LGR5: variants seen among roughly 807,000 people sequenced by gnomAD.
LGR5 encodes leucine rich repeat containing G protein-coupled receptor 5.
A neutral mutation model predicts 76.7 loss-of-function variants in LGR5; 54 were observed. The ratio of observed to expected loss-of-function variants is 0.70; its 90% confidence interval spans 0.57 to 0.88. The LOEUF (loss-of-function observed/expected upper bound fraction) is 0.88, where lower values mean the gene tolerates loss of function less well. Ranked by LOEUF, LGR5 falls within the 40% of genes least tolerant of loss-of-function variation. The pLI is 0.00. For missense variants in LGR5, 1,078 were observed against 1,073.3 expected (o/e 1.00, Z -0.06); for synonymous variants, 406 against 421.9 (o/e 0.96, Z 0.46).
At chr12:71,448,113 A>ACAC (rs1300176522) in intron 1 of LGR5, among the ~76,000 whole-genome samples, 1 of 151,216 alleles carries the variant, frequency 6.6e-6, no homozygotes, top group African/African-American at 2.4e-5. Flanking sequence ...ACACACACAC[A>ACAC]AACTGTGGTG....
At chr12:71,559,380 T>C (rs1877943606) in intron 6 of LGR5, among the ~76,000 whole-genome samples, 1 of 152,178 alleles carries the variant, frequency 6.6e-6, no homozygotes, top group Non-Finnish European at 1.5e-5. Context: ...AAATTTCTCA[T>C]GATTAGTCAA....
chr12:71,446,046 A>T (rs933082310), intron 1 of LGR5, among the ~76,000 whole-genome samples: 4 of 152,106 alleles, frequency 2.6e-5, no homozygotes, highest in Non-Finnish European at 2.9e-5. Context: ...CCTCCAGGGT[A>T]GGGCATTTTC....
intron 14 of LGR5, among the ~76,000 whole-genome samples, chr12:71,578,522 T>C (rs1277457404): frequency 1.3e-5 from 2 of 152,204 alleles, no homozygotes; most frequent in Non-Finnish European, 2.9e-5. Context: ...AAATTAAATA[T>C]AGCACCTTCC....
chr12:71,555,335 T>C (rs1422750387), intron 5 of LGR5, among the ~76,000 whole-genome samples: 1 of 152,148 alleles, frequency 6.6e-6, no homozygotes, highest in Non-Finnish European at 1.5e-5. Flanking sequence ...CCAGCTGTAC[T>C]TTTTCACCCT....
Position 71,584,698 on chromosome 12 carries a change from C to A in LGR5, c.2688C>A (p.Cys896Ter). The A allele has an allele frequency of 6.2e-7, 1 of 1,612,948 alleles. No homozygotes were observed. The change falls in exon 18 of 18, where the codon TGC becomes TGA. Residue 896 changes from cysteine to a stop codon, truncating the protein, a stop_gained. Transcript: ENST00000266674. LOFTEE classifies it high-confidence loss of function. ...PSPAYPVTESCHLSSVAFVPC... is the reference protein window; with the variant it reads ...PSPAYPVTES ...CAGCTTATCCAGTGACTGAGAGCTG[C>A]CATCTTTCCTCTGTGGCATTTGTCC...
chr12:71,570,933 C>G lies in LGR5; in HGVS notation c.1071-581C>G, dbSNP rs7964280. Among the ~76,000 whole-genome samples the G allele has an allele frequency of 3.3e-5, 5 of 152,126 alleles. No individual in the cohort carries two copies. In the South Asian group the frequency reaches 1.0e-3, roughly 31 times the overall value. ...CCAACTTTCTTTTCTTTCAAGCTTT[C>G]GCAAATTATGATGGCTTGCTTTAGA... On this transcript the variant is annotated intron_variant, in intron 11 of 17. Transcript: ENST00000266674.
At chr12:71,501,415 T>C (rs1226720753) in intron 1 of LGR5, among the ~76,000 whole-genome samples, 10 of 152,170 alleles carry the variant, frequency 6.6e-5, no homozygotes, top group Non-Finnish European at 1.5e-4. Context: ...CTGAGCCTCA[T>C]TTTCCTCACC....
At chr12:71,445,929 C>A (rs543035708) in intron 1 of LGR5, among the ~76,000 whole-genome samples, 1 of 152,302 alleles carries the variant, frequency 6.6e-6, no homozygotes, top group Non-Finnish European at 1.5e-5. Context: ...AAGGAACCAA[C>A]TCCTGACCGT....
At chr12:71,469,974 T>C (rs1873026187) in intron 1 of LGR5, among the ~76,000 whole-genome samples, 1 of 152,078 alleles carries the variant, frequency 6.6e-6, no homozygotes, top group Non-Finnish European at 1.5e-5. Context: ...TGTCCTCCCT[T>C]CTCACCTGGA....
In LGR5 at chr12:71,584,221, C is replaced by G; in HGVS notation, c.2211C>G (p.Phe737Leu). Reference sequence around the variant, plus strand: ...TCATCTTGCTCAATTCCCTTTGCTTCCTCATGATGACCATTGCCTACACCA... The same window carrying G: ...TCATCTTGCTCAATTCCCTTTGCTTGCTCATGATGACCATTGCCTACACCA... ...VALILLNSLCFLMMTIAYTKL... is the reference protein window; with the variant it reads ...VALILLNSLCLLMMTIAYTKL... Residue 737 changes from phenylalanine to leucine, a missense_variant, in exon 18 of 18, where the codon TTC (phenylalanine) becomes TTG (leucine). Phe to Leu is a conservative substitution (Grantham distance 22). Coordinates refer to ENST00000266674, the MANE Select transcript of LGR5 (RefSeq NM_003667.4). 6.2e-7 allele frequency: 1 copy of G among 1,614,134 alleles called. No homozygotes were observed. Among genetic ancestry groups the G allele is most frequent in the Non-Finnish European group, 8.5e-7 (1 of 1,180,004 alleles).
intron 11 of LGR5, among the ~76,000 whole-genome samples, chr12:71,570,317 A>C (rs1191994788): frequency 2.0e-5 from 3 of 152,168 alleles, no homozygotes; most frequent in Admixed American, 2.0e-4. Flanking sequence ...ATTTTAAAAA[A>C]ATAAAATAAT....
chr12:71,570,573 G>A (rs1372151826), intron 11 of LGR5, among the ~76,000 whole-genome samples: 2 of 152,084 alleles, frequency 1.3e-5, no homozygotes, highest in Non-Finnish European at 2.9e-5. Context: ...TTTGTGCATA[G>A]GTGTGAGATT....
intron 1 of LGR5, among the ~76,000 whole-genome samples, chr12:71,447,745 C>T (rs960025347): frequency 1.3e-5 from 2 of 152,182 alleles, no homozygotes; most frequent in Non-Finnish European, 2.9e-5. Context: ...CAAACATTGG[C>T]AGGGCATAGC....
At position 71,582,499 on chromosome 12, in the gene LGR5, C is replaced by A; in HGVS notation, c.1596C>A (p.Asp532Glu). Residue 532 changes from aspartate (D) to glutamate (E), a missense_variant, in exon 17 of 18, where the codon GAC becomes GAA. Coordinates refer to ENST00000266674, the MANE Select transcript of LGR5 (RefSeq NM_003667.4). ...LEDFLLDFEEDLKALHSVQCS... is the reference protein window; with the variant it reads ...LEDFLLDFEEELKALHSVQCS... ...ATTTCCTGCTTGACTTTGAGGAAGA[C>A]CTGAAAGCCCTTCATTCAGTGCAGT... 6.2e-7 allele frequency: 1 copy of A among 1,614,072 alleles called. No individual in the cohort carries two copies. Among genetic ancestry groups the A allele is most frequent in the Non-Finnish European group, 8.5e-7 (1 of 1,179,972 alleles).
chr12:71,469,617 G>A (rs2137240594), intron 1 of LGR5, among the ~76,000 whole-genome samples: 1 of 152,326 alleles, frequency 6.6e-6, no homozygotes. Context: ...TCAAAGCGGA[G>A]AAACTGAGAA....
chr12:71,465,098 C>T (rs573537401), intron 1 of LGR5, among the ~76,000 whole-genome samples: 3 of 152,214 alleles, frequency 2.0e-5, no homozygotes, highest in East Asian at 1.9e-4. Flanking sequence ...AGTGCCTCCT[C>T]GAAGTATGAC....
At chr12:71,527,814 GT>G (rs1404781178) in intron 3 of LGR5, among the ~76,000 whole-genome samples, 1 of 152,168 alleles carries the variant, frequency 6.6e-6, no homozygotes, top group Non-Finnish European at 1.5e-5. Context: ...TCTCAGCAAT[GT>G]TGGTTCTGCC....
At chr12:71,461,708 C>T (rs958204414) in intron 1 of LGR5, among the ~76,000 whole-genome samples, 7 of 152,130 alleles carry the variant, frequency 4.6e-5, no homozygotes, top group Admixed American at 4.6e-4. Context: ...TTCATTACCA[C>T]CCAGTCACTC....
intron 13 of LGR5, among the ~76,000 whole-genome samples, chr12:71,575,609 G>T (rs548636511): frequency 2.6e-5 from 4 of 152,210 alleles, no homozygotes; most frequent in Admixed American, 2.6e-4. Context: ...TACTCGGGAG[G>T]CTGAGGCAGG....
Sources: allele counts gnomAD v4.1 joint callset (sites outside exome capture counted in the v4.1 genomes callset), GRCh38; gene constraint gnomAD v4.1.1; transcripts MANE v1.5; gene names NCBI Gene and HGNC (gene_info 2026-07-23, HGNC 2026-07-21).